SLC37A1: variants seen among roughly 807,000 people sequenced by gnomAD.
The protein encoded by SLC37A1 is glucose-6-phosphate exchanger SLC37A1.
SLC37A1 carries 49 observed loss-of-function variants against 75.3 expected under a neutral mutation model. The ratio of observed to expected loss-of-function variants is 0.65; its 90% CI spans 0.52 to 0.83. The LOEUF (loss-of-function observed/expected upper bound fraction) is 0.83, where lower values mean the gene tolerates loss of function less well. Ranked by LOEUF, SLC37A1 falls within the 40% of genes least tolerant of loss-of-function variation. The pLI is 0.00. For missense variants in SLC37A1, 566 were observed against 695.0 expected, an observed-to-expected ratio of 0.81 and a Z score of 2.09; for synonymous variants, 268 against 292.1, an observed-to-expected ratio of 0.92 and a Z score of 0.84.
intron 5 of SLC37A1, among the ~76,000 whole-genome samples, chr21:42,535,865 G>T (rs1047502525): frequency 6.6e-6 from 1 of 152,208 alleles, no homozygotes; most frequent in African/African-American, 2.4e-5. Flanking sequence ...CTGGGACGTG[G>T]TCATTCAGGA....
intron 1 of SLC37A1, among the ~76,000 whole-genome samples, chr21:42,501,815 G>A (rs2054344561): frequency 6.6e-6 from 1 of 152,206 alleles, no homozygotes; most frequent in African/African-American, 2.4e-5. Context: ...TGGTGGATAT[G>A]TAAGGCTGGT....
rs1378116240 is a variant in SLC37A1, at chr21:42,545,588, C to A, written c.731-1515C>A. Among the ~76,000 whole-genome samples the A allele has an allele frequency of 6.6e-6, 1 of 152,334 alleles. No individual in the cohort carries two copies. Among genetic ancestry groups the A allele is most frequent in the Non-Finnish European group, 1.5e-5 (1 of 68,036 alleles). Reference sequence around the variant, plus strand: ...CCTTTCTCAGGCCTCTCTGAGTCTCCTTTCTGAAGCTGTTCTCAAATGTGT... The same window carrying A: ...CCTTTCTCAGGCCTCTCTGAGTCTCATTTCTGAAGCTGTTCTCAAATGTGT... On this transcript the variant is annotated intron_variant, in intron 8 of 19. Coordinates refer to ENST00000352133, the MANE Select transcript of SLC37A1 (RefSeq NM_001320537.2). This position sits in a 1 kb window ranked among gnomAD's most constrained non-coding sequence, Gnocchi z 4.0.
rs112282041 is a variant in SLC37A1 at position 42,545,247 on chromosome 21, G to A, written c.730+1645G>A. On this transcript the variant is annotated intron_variant, in intron 8 of 19. Transcript: ENST00000352133. This position sits in a 1 kb window ranked among gnomAD's most constrained non-coding sequence, Gnocchi z 4.0. ...CAAAACCAAACTACCAGAACCTCCT[G>A]CCCAGGGAATCTTTCTGACACTCTT... Among the ~76,000 whole-genome samples the A allele has an allele frequency of 6.8e-4, 104 of 151,872 alleles. No individual in the cohort carries two copies. The highest frequency in any genetic ancestry group is 1.3e-3 in the Non-Finnish European group (87 of 67,936).
chr21:42,505,930 G>C (rs1301906557), intron 2 of SLC37A1, among the ~76,000 whole-genome samples: 4 of 152,196 alleles, frequency 2.6e-5, no homozygotes, highest in Non-Finnish European at 5.9e-5. Flanking sequence ...GTGTCTTACA[G>C]ATGAAAACAT....
chr21:42,545,274 C>T lies in SLC37A1; in HGVS notation c.730+1672C>T, dbSNP rs1229544956. Among the ~76,000 whole-genome samples, 5 of 152,316 alleles carry T rather than the reference C, an allele frequency of 3.3e-5. No homozygotes were observed. In the South Asian group the frequency reaches 6.2e-4, roughly 19 times the overall value. On this transcript the variant is annotated intron_variant, in intron 8 of 19. Coordinates refer to ENST00000352133, the MANE Select transcript of SLC37A1 (RefSeq NM_001320537.2). This position sits in a 1 kb window ranked among gnomAD's most constrained non-coding sequence, Gnocchi z 4.0. ...CCAGGGAATCTTTCTGACACTCTTT[C>T]CCCTTGTGCCTGGGAGGTGCACTGT...
At chr21:42,520,980 G>A (rs954532313) in intron 2 of SLC37A1, among the ~76,000 whole-genome samples, 1 of 152,220 alleles carries the variant, frequency 6.6e-6, no homozygotes, top group Non-Finnish European at 1.5e-5. Flanking sequence ...GAGTCCTACT[G>A]ATATAACTAA....
rs551044038 is a variant in SLC37A1 at position 42,537,933 on chromosome 21, AG to A, written c.351-1576del. 6.6e-5 allele frequency among the ~76,000 whole-genome samples: 10 copies of A among 152,346 alleles called. No homozygotes were observed. In the East Asian group the frequency reaches 1.9e-3, roughly 29 times the overall value. On this transcript the variant is annotated intron_variant, in intron 5 of 19. Transcript: ENST00000352133. The stretch of plus-strand genomic sequence containing the variant: ...TATGTCAGATGAAATCAGATCTGAT[AG>A]GGTACAGCCATTCAGCCCAGGTACT...
intron 11 of SLC37A1, chr21:42,561,814 G>A: frequency 2.3e-6 from 1 of 438,876 alleles, no homozygotes; most frequent in Admixed American, 3.6e-5. Flanking sequence ...AGTGGCCGAG[G>A]AGCTGCAGCT....
intron 17 of SLC37A1, among the ~76,000 whole-genome samples, chr21:42,569,720 CCT>C (rs879765552): frequency 3.9e-5 from 6 of 152,264 alleles, no homozygotes; most frequent in African/African-American, 9.6e-5. Flanking sequence ...TCGGTGCACT[CCT>C]CTGTTTTGTC....
rs1428705413 is a variant in SLC37A1 at position 42,548,751 on chromosome 21, G to C, written c.768+1611G>C. On this transcript the variant is annotated intron_variant, in intron 9 of 19. Coordinates refer to ENST00000352133, the MANE Select transcript of SLC37A1 (RefSeq NM_001320537.2). The surrounding 1 kb of genome is among the most constrained non-coding windows in gnomAD (Gnocchi z 5.6). ...GTCCAGTGGCTCCATGTCGCCCCGT[G>C]TGAAATCCTCACCAGTCCATCTGGT... is the stretch of plus-strand genomic sequence containing the variant. Among the ~76,000 whole-genome samples, 1 of 152,180 alleles carries C rather than the reference G, an allele frequency of 6.6e-6. No homozygotes were observed.
intron 8 of SLC37A1, among the ~76,000 whole-genome samples, chr21:42,543,897 T>C (rs1043732695): frequency 1.3e-5 from 2 of 152,248 alleles, no homozygotes; most frequent in African/African-American, 2.4e-5. Flanking sequence ...GTCTTCCATC[T>C]TCCCACAGGC....
chr21:42,562,361 G>A (rs1456217995), intron 12 of SLC37A1, among the ~76,000 whole-genome samples, 193 bp downstream of exon 12: 2 of 152,212 alleles, frequency 1.3e-5, no homozygotes, highest in Admixed American at 1.3e-4. Flanking sequence ...TTGCCATAAT[G>A]GTAAACTTTA....
chr21:42,566,930 A>G, intron 15 of SLC37A1, 55 bp from the exon 16 acceptor site: 1 of 1,565,574 alleles, frequency 6.4e-7, no homozygotes, highest in Non-Finnish European at 8.6e-7. Context: ...GCTCCTATGC[A>G]TGCGGGGCTC....
chr21:42,574,460 G>A (rs1340310755), intron 17 of SLC37A1, among the ~76,000 whole-genome samples: 1 of 152,152 alleles, frequency 6.6e-6, no homozygotes, highest in African/African-American at 2.4e-5. Flanking sequence ...GAAGTACTTG[G>A]GACCAGAAGT....
chr21:42,542,374 G>A lies in SLC37A1; in HGVS notation c.487-30G>A, dbSNP rs373192538. 1.7e-4 allele frequency: 266 copies of A among 1,608,600 alleles called. 2 individuals are homozygous for A. The African/African-American group carries it at 3.3e-3, about 20-fold the overall frequency. ...CGCTGTCCCGGGCCTGCTTCCCACA[G>A]GTCAGTCTCTCCTTTGGCCTCTCCT... On this transcript the variant is annotated intron_variant, in intron 6 of 19. Transcript: ENST00000352133.
At chr21:42,557,248 G>C (rs1325916065) in intron 10 of SLC37A1, among the ~76,000 whole-genome samples, 1 of 152,250 alleles carries the variant, frequency 6.6e-6, no homozygotes, top group Admixed American at 6.5e-5. Flanking sequence ...GTAGCCCTCA[G>C]CTTGCTATGA....
chr21:42,530,285 T>C (rs2054914432), intron 3 of SLC37A1, among the ~76,000 whole-genome samples: 1 of 152,162 alleles, frequency 6.6e-6, no homozygotes, highest in Admixed American at 6.5e-5. Flanking sequence ...CTCCATCTAT[T>C]TCTGTATCCT....
rs1402985224 is a variant in SLC37A1, at chr21:42,514,378, G to A, written c.-518G>A. ...TGCCCACCCCGGCCCGGGCCGCGGT[G>A]ACAGCTGAGGGTCCAGAGAGCCGGC... On this transcript the variant is annotated 5_prime_UTR_variant, in exon 1 of 20. Coordinates refer to ENST00000352133, the MANE Select transcript of SLC37A1 (RefSeq NM_001320537.2). This position sits in a 1 kb window ranked among gnomAD's most constrained non-coding sequence, Gnocchi z 4.8. 6.6e-6 allele frequency: 1 copy of A among 152,188 alleles called. No homozygotes were observed. The highest frequency in any genetic ancestry group is 1.5e-5 in the Non-Finnish European group (1 of 68,060). The allele number at this position is 152,188 out of a possible 1,614,324, so 9.4% of individuals were successfully genotyped here.
At position 42,539,516 on chromosome 21, in the gene SLC37A1, A is replaced by G. The variant is rs764524319; in HGVS notation, c.355A>G (p.Ile119Val). ...AYAVGMYLSG[I>V]IGERLPIRYY... ...CTTTCCTTCTCTCCACCTCAGTGGC[A>G]TCATTGGGGAGCGCCTGCCGATTAG... is the stretch of plus-strand genomic sequence containing the variant. The change falls in exon 6 of 20, where the codon ATC becomes GTC. Residue 119 changes from isoleucine (I) to valine (V), a missense_variant. Transcript: ENST00000352133. 87 of 1,611,592 alleles carry G rather than the reference A, an allele frequency of 5.4e-5. No homozygotes were observed. Among genetic ancestry groups the G allele is most frequent in the Non-Finnish European group, 6.4e-5 (76 of 1,179,108 alleles).
Sources: allele counts gnomAD v4.1 joint callset (sites outside exome capture counted in the v4.1 genomes callset), GRCh38; gene constraint gnomAD v4.1.1; non-coding constraint Gnocchi (gnomAD v3.1); transcripts MANE v1.5; gene names NCBI Gene and HGNC (gene_info 2026-07-23, HGNC 2026-07-21).